USP35: variants seen among roughly 807,000 people sequenced by gnomAD.
USP35 encodes the protein ubiquitin carboxyl-terminal hydrolase 35.
In USP35, 69 loss-of-function variants were observed where a neutral mutation model predicts 83.8. That is an observed-to-expected ratio of 0.82 (90% CI 0.68 to 1.01). The LOEUF (loss-of-function observed/expected upper bound fraction) is 1.01, where lower values mean the gene tolerates loss of function less well. Ranked by LOEUF, USP35 falls within the 50% of genes least tolerant of loss-of-function variation. USP35 has a pLI of 0.00. For missense variants in USP35, 1,503 were observed against 1,362.5 expected (o/e 1.10, Z -1.62); for synonymous variants, 714 against 589.5 (o/e 1.21, Z -3.06).
downstream of USP35, chr11:78,219,374 G>A (rs114715848): frequency 3.6e-5 from 58 of 1,613,784 alleles, no homozygotes; most frequent in East Asian, 9.4e-4. Context: ...CCACCTGAAC[G>A]TAGTCCACCT....
Position 78,200,204 on chromosome 11 carries a change from C to A in USP35, c.1008C>A (p.Thr336=). The change falls in exon 5 of 11, where the codon ACC becomes ACA. Residue 336 remains threonine (T), a synonymous_variant. Transcript: ENST00000529308. ...CTGTGCTCAAGTACATGCTCCTGAC[C>A]TTCCAGCACTCCCACGAAGCCTTCC... ...ALSVLKYMLL[T]FQHSHEAFHL... 6.2e-7 allele frequency: 1 copy of A among 1,614,208 alleles called. No homozygotes were observed. The highest frequency in any genetic ancestry group is 8.5e-7 in the Non-Finnish European group (1 of 1,180,020).
intron 10 of USP35, 75 bp downstream of exon 10, chr11:78,210,819 T>C: frequency 7.1e-7 from 1 of 1,404,528 alleles, no homozygotes. Context: ...CTTAGATAAG[T>C]CATTTCCCCT....
Position 78,199,619 on chromosome 11 carries a change from C to T in USP35, c.831C>T (p.Pro277=), listed in dbSNP as rs1863273389. The T allele has an allele frequency of 3.1e-6, 5 of 1,614,118 alleles. No individual in the cohort carries two copies. The highest frequency in any genetic ancestry group is 1.1e-5 in the South Asian group (1 of 91,080). ...ISRMIDWVSW[P]LGKNIDKWII... The stretch of plus-strand genomic sequence containing the variant: ...GGATGATTGACTGGGTGTCCTGGCC[C>T]CTGGGGAAGAATATTGACAAGTGGA... The change falls in exon 4 of 11, where the codon CCC becomes CCT. Residue 277 remains proline (P), a synonymous_variant. Coordinates refer to ENST00000529308, the MANE Select transcript of USP35 (RefSeq NM_020798.4).
the USP35 span, among the ~76,000 whole-genome samples, chr11:78,227,755 G>A: frequency 2.0e-5 from 3 of 151,882 alleles, no homozygotes; most frequent in East Asian, 1.9e-4. Flanking sequence ...AGCTATGATC[G>A]CACCACTGCA....
chr11:78,208,866 A>G lies in USP35; in HGVS notation c.1495A>G (p.Ile499Val), dbSNP rs1287888234. 8 of 1,613,946 alleles carry G rather than the reference A, an allele frequency of 5.0e-6. No homozygotes were observed. The highest frequency in any genetic ancestry group is 5.9e-6 in the Non-Finnish European group (7 of 1,179,998). Residue 499 changes from isoleucine to valine, a missense_variant, in exon 9 of 11, where the codon ATT becomes GTT. Coordinates refer to ENST00000529308, the MANE Select transcript of USP35 (RefSeq NM_020798.4). ...GFLEHSQRPAISPENFLSASW... is the reference protein window; with the variant it reads ...GFLEHSQRPAVSPENFLSASW... Reference sequence around the variant, plus strand: ...GCCTGCCTTGTCCTAGCGGCCTGCCATTTCCCCAGAGAACTTCCTCTCCGC... The same window carrying G: ...GCCTGCCTTGTCCTAGCGGCCTGCCGTTTCCCCAGAGAACTTCCTCTCCGC...
At chr11:78,199,445 T>C in intron 3 of USP35, 150 bp from the exon 4 acceptor site, 2 of 1,178,432 alleles carry the variant, frequency 1.7e-6, no homozygotes, top group Non-Finnish European at 2.4e-6. Flanking sequence ...TTCCCAGCCA[T>C]GTCTGGTTCA....
At position 78,212,319 on chromosome 11, in the gene USP35, C is replaced by T. The variant is rs147412278; in HGVS notation, c.2890-1327C>T. ...CTATGTGTCTGTTTTTATACCAGTA[C>T]TATACTACAAGGCTACAGTAAGCAA... On this transcript the variant is annotated intron_variant, in intron 10 of 10. Transcript: ENST00000529308. Among the ~76,000 whole-genome samples, 328 of 151,816 alleles carry T rather than the reference C, an allele frequency of 2.2e-3. 1 individual carries two copies. The highest frequency in any genetic ancestry group is 7.4e-3 in the African/African-American group (303 of 41,070).
At chr11:78,207,661 G>T in intron 8 of USP35, 38 bp downstream of exon 8, 1 of 1,595,462 alleles carries the variant, frequency 6.3e-7, no homozygotes, top group Non-Finnish European at 8.6e-7. Flanking sequence ...TGGAGAGGCA[G>T]CTCTGGTCAG....
rs1339996525 is a variant in USP35 at position 78,196,592 on chromosome 11, C to T, written c.347C>T (p.Ala116Val). ...LGLQLLPEGP[A>V]ADEVFALLRR... The stretch of plus-strand genomic sequence containing the variant: ...CTGCAGCTGCTGCCCGAGGGGCCTG[C>T]GGCCGACGAGGTGTTCGCGCTGCTG... The change falls in exon 2 of 11, where the codon GCG (alanine) becomes GTG (valine). Residue 116 changes from alanine to valine, a missense_variant. Coordinates refer to ENST00000529308, the MANE Select transcript of USP35 (RefSeq NM_020798.4). This position sits in a 1 kb window ranked among gnomAD's most constrained non-coding sequence, Gnocchi z 4.8. 5 of 1,254,214 alleles carry T rather than the reference C, an allele frequency of 4.0e-6. No homozygotes were observed. The highest frequency in any genetic ancestry group is 4.4e-5 in the Admixed American group (1 of 22,778). The allele number at this position is 1,254,214 out of a possible 1,614,324, so 77.7% of individuals were successfully genotyped here.
In USP35 at chr11:78,214,811, G is replaced by C. The variant is rs1043764479; in HGVS notation, c.*998G>C. On this transcript the variant is annotated 3_prime_UTR_variant, in exon 11 of 11. Transcript: ENST00000529308. ...CAGCCTGCCCCCCAGTGACGTGTGAGATGCCACAGGGAGCCAAGAGCCCTC... is the reference window on the plus strand; with the variant it reads ...CAGCCTGCCCCCCAGTGACGTGTGACATGCCACAGGGAGCCAAGAGCCCTC... The C allele has an allele frequency of 2.0e-5, 3 of 151,016 alleles. No individual in the cohort carries two copies. Among genetic ancestry groups the C allele is most frequent in the African/African-American group, 7.4e-5 (3 of 40,602 alleles). 9.4% of individuals were successfully genotyped at this position (151,016 alleles called of 1,614,324 possible).
intron 8 of USP35, among the ~76,000 whole-genome samples, chr11:78,207,979 C>T (rs1394088668): frequency 1.3e-5 from 2 of 152,170 alleles, no homozygotes; most frequent in Non-Finnish European, 2.9e-5. Flanking sequence ...CTGGGAGGCC[C>T]AAGATCGAGG....
At chr11:78,234,944 A>T in the USP35 span, among the ~76,000 whole-genome samples, 4 of 151,886 alleles carry the variant, frequency 2.6e-5, no homozygotes, top group Admixed American at 6.6e-5. Flanking sequence ...CAGGAGGCGA[A>T]GGTTGCAATG....
the USP35 span, chr11:78,223,522 A>C: frequency 6.2e-7 from 1 of 1,613,090 alleles, no homozygotes; most frequent in Non-Finnish European, 8.5e-7. Flanking sequence ...AAGTGAGTCA[A>C]AGTGATGGGC....
rs184334336 is a variant in USP35 at position 78,210,836 on chromosome 11, C to T, written c.2889+92C>T. The T allele has an allele frequency of 7.3e-5, 98 of 1,342,180 alleles. 1 individual carries two copies. The East Asian group carries it at 2.4e-3, about 32-fold the overall frequency. The allele number at this position is 1,342,180 out of a possible 1,614,324, so 83.1% of individuals were successfully genotyped here. A position where few individuals can be genotyped will look rare whatever the true frequency, so the allele number is the denominator to read the frequency against. Reference sequence around the variant, plus strand: ...TAGATAAGTCATTTCCCCTCTAAGTCTTTTTTGTAAATCCCATTCATCTGT... The same window carrying T: ...TAGATAAGTCATTTCCCCTCTAAGTTTTTTTTGTAAATCCCATTCATCTGT... On this transcript the variant is annotated intron_variant, in intron 10 of 10. Transcript: ENST00000529308.
chr11:78,212,434 C>T (rs776622265), intron 10 of USP35, among the ~76,000 whole-genome samples: 2 of 149,162 alleles, frequency 1.3e-5, no homozygotes, highest in Non-Finnish European at 3.0e-5. Context: ...CTTTTTGGCT[C>T]CGTATGAATT....
At position 78,213,719 on chromosome 11, in the gene USP35, G is replaced by A. The variant is rs1383549372; in HGVS notation, c.2963G>A (p.Gly988Asp). The stretch of plus-strand genomic sequence containing the variant: ...CCCACATCTCCGCACTGGGGGAGGG[G>A]CTTTGATGAAGACAAGGATGAGGAT... Reference protein sequence around the residue: ...ALPTSPHWGRGFDEDKDEDEG... With the variant: ...ALPTSPHWGRDFDEDKDEDEG... The change falls in exon 11 of 11, where the codon GGC (glycine) becomes GAC (aspartate). Residue 988 changes from glycine to aspartate, a missense_variant. By Grantham distance (94) the Gly-to-Asp change is moderately conservative (BLOSUM62 -1). Coordinates refer to ENST00000529308, the MANE Select transcript of USP35 (RefSeq NM_020798.4). 2.0e-6 allele frequency: 3 copies of A among 1,535,166 alleles called. No homozygotes were observed. Among genetic ancestry groups the A allele is most frequent in the South Asian group, 1.3e-5 (1 of 78,100 alleles).
chr11:78,223,596 G>T, the USP35 span: 1 of 1,613,534 alleles, frequency 6.2e-7, no homozygotes, highest in Non-Finnish European at 8.5e-7. Context: ...TGGCCAACAG[G>T]GTGGAAGAAC....
chr11:78,206,130 A>C, intron 7 of USP35, 95 bp downstream of exon 7: 2 of 1,147,346 alleles, frequency 1.7e-6, no homozygotes, highest in Non-Finnish European at 2.5e-6. Context: ...GGGGTTGGAG[A>C]GGGTGGGCCT....
chr11:78,236,157 T>C, the USP35 span, among the ~76,000 whole-genome samples: 2 of 152,234 alleles, frequency 1.3e-5, no homozygotes, highest in Non-Finnish European at 2.9e-5. Flanking sequence ...AGGTGTTGCA[T>C]GTTTGTTGTT....
Sources: allele counts gnomAD v4.1 joint callset (sites outside exome capture counted in the v4.1 genomes callset), GRCh38; gene constraint gnomAD v4.1.1; non-coding constraint Gnocchi (gnomAD v3.1); transcripts MANE v1.5; gene names NCBI Gene and HGNC (gene_info 2026-07-23, HGNC 2026-07-21).